Variants in MDGA2 observed in about 807,000 individuals in gnomAD.
The protein encoded by MDGA2 is MAM domain containing glycosylphosphatidylinositol anchor 2.
A neutral mutation model predicts 117.8 loss-of-function variants in MDGA2; 40 were observed. The ratio of observed to expected loss-of-function variants is 0.34; its 90% confidence interval spans 0.26 to 0.44. The LOEUF is 0.44. Ranked by LOEUF, MDGA2 falls within the 20% of genes least tolerant of loss-of-function variation. The pLI, the probability that MDGA2 is intolerant of heterozygous loss-of-function variation, is 1.00. For missense variants in MDGA2, 1,123 were observed against 1,250.6 expected, an observed-to-expected ratio of 0.90 and a Z score of 1.54; for synonymous variants, 452 against 439.0, an observed-to-expected ratio of 1.03 and a Z score of -0.37.
In MDGA2 at chr14:47,252,072, G is replaced by T. The variant is rs1360763436; in HGVS notation, c.421-33877C>A. Among the ~76,000 whole-genome samples, 4 of 151,980 alleles carry T rather than the reference G, an allele frequency of 2.6e-5. No individual in the cohort carries two copies. In the South Asian group the frequency reaches 6.2e-4, roughly 24 times the overall value. Reference sequence around the variant, plus strand: ...CTTCTTCCTCTACTGCCATGATCTGGACAACTTCACTTTCAATCCAGATTT... The same window carrying T: ...CTTCTTCCTCTACTGCCATGATCTGTACAACTTCACTTTCAATCCAGATTT... On this transcript the variant is annotated intron_variant, in intron 2 of 16. Coordinates refer to ENST00000399232, the MANE Select transcript of MDGA2 (RefSeq NM_001113498.3).
At chr14:47,261,878 AT>A (rs1282899709) in intron 2 of MDGA2, among the ~76,000 whole-genome samples, 2 of 152,058 alleles carry the variant, frequency 1.3e-5, no homozygotes, top group East Asian at 1.9e-4. Flanking sequence ...CTTGCAGATA[AT>A]TTTTTGCACA....
chr14:47,283,718 AATG>A (rs1459183644), intron 2 of MDGA2, among the ~76,000 whole-genome samples: 2 of 152,222 alleles, frequency 1.3e-5, no homozygotes, highest in African/African-American at 2.4e-5. Flanking sequence ...TCTTTTAAGA[AATG>A]ATGATAATCC....
At chr14:47,604,381 A>G (rs1896702286) in intron 1 of MDGA2, among the ~76,000 whole-genome samples, 1 of 151,724 alleles carries the variant, frequency 6.6e-6, no homozygotes, top group Non-Finnish European at 1.5e-5. Flanking sequence ...CAGTGGCACA[A>G]TCTTAGCTCT....
intron 6 of MDGA2, among the ~76,000 whole-genome samples, chr14:47,095,741 A>C (rs906060579): frequency 1.3e-5 from 2 of 152,182 alleles, no homozygotes; most frequent in Middle Eastern, 3.4e-3. Context: ...TTTTGAATAG[A>C]GTATACTTTT....
chr14:47,327,028 G>A (rs1208979831), intron 1 of MDGA2, among the ~76,000 whole-genome samples: 1 of 152,112 alleles, frequency 6.6e-6, no homozygotes, highest in Non-Finnish European at 1.5e-5. Flanking sequence ...GAACTAGGAG[G>A]GCTAGAAGCC....
chr14:47,634,569 A>G (rs1220268875), intron 1 of MDGA2, among the ~76,000 whole-genome samples: 1 of 152,102 alleles, frequency 6.6e-6, no homozygotes, highest in Non-Finnish European at 1.5e-5. Context: ...CCTCCAGTAA[A>G]CAAAACTGTT....
intron 7 of MDGA2, chr14:47,059,301 A>C: frequency 2.4e-6 from 3 of 1,266,256 alleles, no homozygotes; most frequent in Non-Finnish European, 3.1e-6. Context: ...AACCACATCT[A>C]TCTGTAGTTA....
chr14:47,108,759 C>T (rs556203185), intron 5 of MDGA2, among the ~76,000 whole-genome samples: 3 of 152,126 alleles, frequency 2.0e-5, no homozygotes, highest in East Asian at 3.9e-4. Flanking sequence ...CACACGGATG[C>T]GCAAGAAAAT....
intron 3 of MDGA2, among the ~76,000 whole-genome samples, chr14:47,211,700 C>T (rs534282405): frequency 5.3e-5 from 8 of 152,192 alleles, no homozygotes; most frequent in African/African-American, 1.4e-4. Flanking sequence ...AAAGGAGTTC[C>T]GAACCCAAGC....
At chr14:47,073,916 G>C (rs1368188477) in intron 6 of MDGA2, among the ~76,000 whole-genome samples, 2 of 152,090 alleles carry the variant, frequency 1.3e-5, no homozygotes, top group East Asian at 3.9e-4. Context: ...CTGTCTCTGA[G>C]GATGCCGGGT....
intron 2 of MDGA2, among the ~76,000 whole-genome samples, chr14:47,292,038 G>A (rs1888908712): frequency 6.6e-6 from 1 of 152,174 alleles, no homozygotes; most frequent in South Asian, 2.1e-4. Flanking sequence ...TAGTGCCAGG[G>A]GTGTGATTTT....
chr14:47,336,307 T>C (rs915479096), intron 1 of MDGA2, among the ~76,000 whole-genome samples: 2 of 151,852 alleles, frequency 1.3e-5, no homozygotes, highest in Non-Finnish European at 2.9e-5. Flanking sequence ...GAGACTCTAG[T>C]AATTCTGAGG....
intron 1 of MDGA2, among the ~76,000 whole-genome samples, chr14:47,464,814 C>A (rs1324547270): frequency 1.3e-5 from 2 of 151,968 alleles, no homozygotes; most frequent in African/African-American, 4.8e-5. Context: ...CTTCACAGAA[C>A]TAGAAAAACG....
intron 14 of MDGA2, among the ~76,000 whole-genome samples, chr14:46,862,695 G>GAA (rs1881561425): frequency 6.6e-6 from 1 of 151,882 alleles, no homozygotes; most frequent in South Asian, 2.1e-4. Context: ...CAGTAACACA[G>GAA]ACTTACTGAG....
intron 11 of MDGA2, among the ~76,000 whole-genome samples, chr14:46,879,598 C>G (rs1882366261): frequency 6.6e-6 from 1 of 152,010 alleles, no homozygotes; most frequent in African/African-American, 2.4e-5. Flanking sequence ...TCAGAGTTTT[C>G]AATAACCACT....
At chr14:46,871,608 T>C (rs1830620758) in intron 14 of MDGA2, 1 of 153,176 alleles carries the variant, frequency 6.5e-6, no homozygotes, top group Non-Finnish European at 1.5e-5. Context: ...TTATTATTGC[T>C]ATTTCAGATT....
chr14:47,091,712 A>G (rs1020887492), intron 6 of MDGA2, among the ~76,000 whole-genome samples: 1 of 151,586 alleles, frequency 6.6e-6, no homozygotes, highest in African/African-American at 2.4e-5. Context: ...GCCATTGGGT[A>G]TAGGCATGTG....
At chr14:47,204,899 CCAA>C (rs1300010124) in intron 3 of MDGA2, among the ~76,000 whole-genome samples, 1 of 151,774 alleles carries the variant, frequency 6.6e-6, no homozygotes, top group Non-Finnish European at 1.5e-5. Context: ...CCTATTTTTG[CCAA>C]CAACATGCTA....
At chr14:46,843,153 CTA>C (rs926133705) in intron 16 of MDGA2, among the ~76,000 whole-genome samples, 30 of 151,732 alleles carry the variant, frequency 2.0e-4, no homozygotes, top group African/African-American at 7.2e-4. Flanking sequence ...AAAAAAAAAA[CTA>C]ATTATAAAAA....
Sources: gnomAD v4.1 joint callset for allele counts (sites outside exome capture counted in the v4.1 genomes callset) on GRCh38, gnomAD v4.1.1 for gene constraint, MANE v1.5 for transcripts, NCBI Gene and HGNC (gene_info 2026-07-23, HGNC 2026-07-21) for gene names.